The following INSYN2A variants were observed in gnomAD, a reference collection of about 807,000 sequenced individuals.
The protein encoded by INSYN2A is inhibitory synaptic factor 2A, also known as family with sequence similarity 196 member A.
Under a neutral mutation model 39.4 loss-of-function variants are expected in INSYN2A, and 17 were observed. That is an observed-to-expected ratio of 0.43 (90% CI 0.30 to 0.65). The LOEUF is 0.65. Ranked by LOEUF, INSYN2A falls within the 30% of genes least tolerant of loss-of-function variation. The pLI is 0.14. For missense variants in INSYN2A, 595 were observed against 631.2 expected, an observed-to-expected ratio of 0.94 and a Z score of 0.61; for synonymous variants, 255 against 265.7, an observed-to-expected ratio of 0.96 and a Z score of 0.39.
chr10:127,171,864 C>A (rs534087407), intron 4 of INSYN2A, among the ~76,000 whole-genome samples: 2 of 152,052 alleles, frequency 1.3e-5, no homozygotes, highest in African/African-American at 4.8e-5. Flanking sequence ...CCACCACGCC[C>A]GACTAATGTT....
rs1392270112 is a variant in INSYN2A, at chr10:127,176,304, G to A, written c.92C>T (p.Ala31Val). The A allele has an allele frequency of 3.7e-6, 6 of 1,613,966 alleles. No individual in the cohort carries two copies. The Admixed American group carries it at 6.7e-5, about 18-fold the overall frequency. ...AACLALEMKY[A>V]LDPNRQIKKR... Reference sequence around the variant, plus strand: ...TTTAATCTGCCGGTTGGGGTCCAGGGCGTATTTCATCTCCAGGGCCAGGCA... The same window carrying A: ...TTTAATCTGCCGGTTGGGGTCCAGGACGTATTTCATCTCCAGGGCCAGGCA... The change falls in exon 4 of 6, where the codon GCC becomes GTC. Residue 31 changes from alanine (A) to valine (V), a missense_variant. This residue lies in a region of INSYN2A where 478 missense variants were observed against 467.4 expected (regional missense o/e 1.02). Transcript: ENST00000522781. The surrounding 1 kb of genome is among the most constrained non-coding windows in gnomAD (Gnocchi z 4.4).
intron 4 of INSYN2A, among the ~76,000 whole-genome samples, chr10:127,169,490 G>T (rs2054368711): frequency 6.6e-6 from 1 of 152,162 alleles, no homozygotes. Flanking sequence ...TATGAATATG[G>T]TCACTGTATT....
chr10:127,180,966 G>A (rs902729401), intron 2 of INSYN2A, among the ~76,000 whole-genome samples: 38 of 152,238 alleles, frequency 2.5e-4, no homozygotes, highest in African/African-American at 8.2e-4. Flanking sequence ...GTACAGCGTC[G>A]TTCTGGTTTT....
chr10:127,175,631 G>A lies in INSYN2A; in HGVS notation c.765C>T (p.Thr255=), dbSNP rs754378814. ...TGGCACTGAGGGCAGGTGCGTAAACGGTGGCAACCTCCGTTTTAAACACCC... is the reference window on the plus strand; with the variant it reads ...TGGCACTGAGGGCAGGTGCGTAAACAGTGGCAACCTCCGTTTTAAACACCC... ...LRRVFKTEVA[T]VYAPALSARA... The change falls in exon 4 of 6, where the codon ACC becomes ACT. Residue 255 remains threonine (T), a synonymous_variant. Coordinates refer to ENST00000522781, the MANE Select transcript of INSYN2A (RefSeq NM_001039762.3). This position sits in a 1 kb window ranked among gnomAD's most constrained non-coding sequence, Gnocchi z 6.3. The A allele has an allele frequency of 1.4e-5, 23 of 1,613,066 alleles. No individual in the cohort carries two copies. Among genetic ancestry groups the A allele is most frequent in the South Asian group, 2.2e-5 (2 of 91,086 alleles).
intron 2 of INSYN2A, among the ~76,000 whole-genome samples, chr10:127,180,202 G>T (rs916530658): frequency 5.3e-5 from 8 of 152,210 alleles, no homozygotes; most frequent in African/African-American, 1.7e-4. Flanking sequence ...CTGGGTGCTG[G>T]TTAGGCAAGG....
chr10:127,137,636 C>G lies in INSYN2A; in HGVS notation c.*201G>C. On this transcript the variant is annotated 3_prime_UTR_variant, in exon 6 of 6. Transcript: ENST00000522781. ...TCCCACATCAGTGAACTGCAAAGAA[C>G]AGCTGGCAAGGAGTGACACAGAATA... 1 of 477,310 alleles carries G rather than the reference C, an allele frequency of 2.1e-6. No homozygotes were observed. Among genetic ancestry groups the G allele is most frequent in the East Asian group, 3.2e-5 (1 of 31,698 alleles). 29.6% of individuals were successfully genotyped at this position (477,310 alleles called of 1,614,324 possible).
rs1461366376 is a variant in INSYN2A, at chr10:127,137,462, A to G, written c.*375T>C. On this transcript the variant is annotated 3_prime_UTR_variant, in exon 6 of 6. Coordinates refer to ENST00000522781, the MANE Select transcript of INSYN2A (RefSeq NM_001039762.3). ...CTTCTCATTATTTAAAAAAAAAATC[A>G]AGGCTTGAAAATAATTATGAGTTAT... 1 of 168,252 alleles carries G rather than the reference A, an allele frequency of 5.9e-6. No individual in the cohort carries two copies. The highest frequency in any genetic ancestry group is 1.3e-5 in the Non-Finnish European group (1 of 79,260). The allele number at this position is 168,252 out of a possible 1,614,324, so 10.4% of individuals were successfully genotyped here.
chr10:127,168,951 G>A (rs1254346699), intron 4 of INSYN2A, among the ~76,000 whole-genome samples: 1 of 152,176 alleles, frequency 6.6e-6, no homozygotes, highest in Non-Finnish European at 1.5e-5. Flanking sequence ...CAAATTCAGA[G>A]ATTTCTTATC....
chr10:127,162,398 T>C (rs1471062271), intron 4 of INSYN2A, among the ~76,000 whole-genome samples: 7 of 152,244 alleles, frequency 4.6e-5, no homozygotes, highest in African/African-American at 1.7e-4. Flanking sequence ...AGCATTCTAA[T>C]GCTGAATCTC....
intron 2 of INSYN2A, among the ~76,000 whole-genome samples, chr10:127,184,832 A>G (rs1289906386): frequency 6.6e-6 from 1 of 152,074 alleles, no homozygotes; most frequent in Non-Finnish European, 1.5e-5. Flanking sequence ...ATCTAGTCTT[A>G]TCTTCTATGC....
chr10:127,167,283 C>A (rs942945236), intron 4 of INSYN2A, among the ~76,000 whole-genome samples: 2 of 152,060 alleles, frequency 1.3e-5, no homozygotes, highest in African/African-American at 4.8e-5. Context: ...CTTGAATATT[C>A]TATTGCAAAT....
At chr10:127,143,671 G>T (rs2051497825) in intron 5 of INSYN2A, among the ~76,000 whole-genome samples, 2 of 152,172 alleles carry the variant, frequency 1.3e-5, no homozygotes, top group African/African-American at 4.8e-5. Context: ...AGTGCCATGG[G>T]CAACACCAGC....
intron 2 of INSYN2A, among the ~76,000 whole-genome samples, chr10:127,182,131 A>G (rs561682594): frequency 9.9e-5 from 15 of 152,148 alleles, no homozygotes; most frequent in African/African-American, 3.6e-4. Flanking sequence ...CGTTCCCTCG[A>G]TGTGTAGAAT....
chr10:127,169,234 T>C (rs1432588897), intron 4 of INSYN2A, among the ~76,000 whole-genome samples: 1 of 152,200 alleles, frequency 6.6e-6, no homozygotes, highest in Non-Finnish European at 1.5e-5. Flanking sequence ...CCAGGTTGTA[T>C]GGGCTGATGA....
chr10:127,186,332 T>C (rs1026090558), intron 2 of INSYN2A, among the ~76,000 whole-genome samples: 1 of 152,150 alleles, frequency 6.6e-6, no homozygotes, highest in Non-Finnish European at 1.5e-5. Context: ...AGGCACCTTC[T>C]TCACAAGGCT....
chr10:127,174,011 C>T (rs534086055), intron 4 of INSYN2A, among the ~76,000 whole-genome samples: 238 of 152,342 alleles, frequency 1.6e-3, no homozygotes, highest in Non-Finnish European at 2.8e-3. Context: ...TGGAGCTGGG[C>T]CTTTCACCTC....
intron 5 of INSYN2A, among the ~76,000 whole-genome samples, chr10:127,149,316 CG>C (rs1345462344): frequency 6.6e-6 from 1 of 152,182 alleles, no homozygotes. Flanking sequence ...CAGGCTCTCA[CG>C]GGCTGATGTT....
rs144849474 is a variant in INSYN2A at position 127,141,548 on chromosome 10, T to C, written c.1257-3528A>G. Among the ~76,000 whole-genome samples, 1,009 of 152,198 alleles carry C rather than the reference T, an allele frequency of 6.6e-3. 4 individuals carry two copies. Among genetic ancestry groups the C allele is most frequent in the Admixed American group, 0.012 (178 of 15,276 alleles). On this transcript the variant is annotated intron_variant, in intron 5 of 5. Coordinates refer to ENST00000522781, the MANE Select transcript of INSYN2A (RefSeq NM_001039762.3). ...TGAAACCCCATCTGTACTAAAAATA[T>C]AAAGTTTAGCTGGGTGTGATGGTGC...
Position 127,188,210 on chromosome 10 carries a change from T to C in INSYN2A, c.-269+4395A>G, listed in dbSNP as rs1320655811. Among the ~76,000 whole-genome samples the C allele has an allele frequency of 2.6e-5, 4 of 152,132 alleles. No homozygotes were observed. The East Asian group carries it at 7.7e-4, about 29-fold the overall frequency. ...GCCCTGGCCTGGCTGGGCTGTGCTG[T>C]GCACAAACAGATGGGGTGGATTCAT... On this transcript the variant is annotated intron_variant, in intron 2 of 5. Transcript: ENST00000522781.
Sources: allele counts gnomAD v4.1 joint callset (sites outside exome capture counted in the v4.1 genomes callset), GRCh38; gene constraint gnomAD v4.1.1; regional missense constraint gnomAD v4.1.1; non-coding constraint Gnocchi (gnomAD v3.1); transcripts MANE v1.5; gene names NCBI Gene and HGNC (gene_info 2026-07-23, HGNC 2026-07-21).